POR: variants seen among roughly 807,000 people sequenced by gnomAD.
POR encodes the protein cytochrome p450 oxidoreductase.
In POR, 56 loss-of-function variants were observed where a neutral mutation model predicts 84.0. The ratio of observed to expected loss-of-function variants is 0.67; its 90% confidence interval spans 0.54 to 0.83. The LOEUF is 0.83. POR is among the 40% of genes least tolerant of loss of function. POR has a pLI of 0.00. For missense variants in POR, 938 were observed against 944.3 expected, an observed-to-expected ratio of 0.99 and a Z score of 0.09; for synonymous variants, 414 against 400.5, an observed-to-expected ratio of 1.03 and a Z score of -0.40.
chr7:75,920,473 T>G (rs1554548672), intron 1 of POR, among the ~76,000 whole-genome samples: 1 of 152,138 alleles, frequency 6.6e-6, no homozygotes, highest in Non-Finnish European at 1.5e-5. Flanking sequence ...GATGGGGCAT[T>G]GTGGGGCGTG....
chr7:75,951,837 A>G (rs1554552869), intron 1 of POR, among the ~76,000 whole-genome samples: 1 of 152,230 alleles, frequency 6.6e-6, no homozygotes, highest in East Asian at 1.9e-4. Flanking sequence ...TTGTTGACTC[A>G]TGTCACGTCT....
intron 12 of POR, 125 bp downstream of exon 12, chr7:75,985,332 C>A: frequency 7.6e-7 from 1 of 1,316,938 alleles, no homozygotes; most frequent in Non-Finnish European, 1.0e-6. Context: ...AGCCCCAGCG[C>A]AGCTCCAAAT....
At chr7:75,955,917 A>G (rs560908439) in intron 2 of POR, among the ~76,000 whole-genome samples, 5 of 152,330 alleles carry the variant, frequency 3.3e-5, no homozygotes, top group Admixed American at 2.0e-4. Context: ...CCCCGCCAGA[A>G]CACTTACAGC....
chr7:75,971,852 G>T (rs1788457295), intron 2 of POR, among the ~76,000 whole-genome samples: 1 of 152,078 alleles, frequency 6.6e-6, no homozygotes, highest in Non-Finnish European at 1.5e-5. Flanking sequence ...TGTGAATTAG[G>T]CATCAAGCTT....
At chr7:75,932,529 T>C (rs1205333460) in intron 1 of POR, among the ~76,000 whole-genome samples, 13 of 152,176 alleles carry the variant, frequency 8.5e-5, no homozygotes, top group African/African-American at 2.9e-4. Context: ...AAGACTTATG[T>C]TGAAAATATA....
intron 1 of POR, chr7:75,918,799 T>A (rs1806705319): frequency 6.6e-6 from 1 of 152,016 alleles, no homozygotes; most frequent in Non-Finnish European, 1.5e-5. Flanking sequence ...AGAGGTGATG[T>A]TTGAGTTGGG....
Position 75,919,315 on chromosome 7 carries a change from G to A in POR, c.-5+4136G>A, listed in dbSNP as rs191086111. ...TCTTAAAAGTTTTTCCTCCCCAAGC[G>A]AGATGTTTACATCAGTTGTGTTCTT... is the stretch of plus-strand genomic sequence containing the variant. On this transcript the variant is annotated intron_variant, in intron 1 of 15. Transcript: ENST00000461988. Among the ~76,000 whole-genome samples the A allele has an allele frequency of 3.9e-5, 6 of 152,070 alleles. No individual in the cohort carries two copies. The East Asian group carries it at 7.7e-4, about 20-fold the overall frequency.
intron 1 of POR, among the ~76,000 whole-genome samples, chr7:75,922,368 G>A (rs1806922398): frequency 6.8e-6 from 1 of 148,086 alleles, no homozygotes; most frequent in South Asian, 2.2e-4. Flanking sequence ...CTGTCGCCCA[G>A]GCTGGAGTGC....
intron 2 of POR, among the ~76,000 whole-genome samples, chr7:75,969,380 G>A (rs140935035): frequency 1.1e-3 from 166 of 152,306 alleles, no homozygotes; most frequent in Non-Finnish European, 1.9e-3. Context: ...GCCCTGCCAC[G>A]TGGCTCTTCC....
At chr7:75,972,792 C>T in intron 3 of POR, 1 of 377,796 alleles carries the variant, frequency 2.6e-6, no homozygotes, top group Non-Finnish European at 5.0e-6. Context: ...GCGGTCGTGG[C>T]ACCACTGCCA....
intron 2 of POR, among the ~76,000 whole-genome samples, chr7:75,956,117 G>A (rs1554553711): frequency 6.6e-6 from 1 of 152,110 alleles, no homozygotes; most frequent in Non-Finnish European, 1.5e-5. Flanking sequence ...TGGCCAACAT[G>A]GCGAAACCCC....
chr7:75,936,820 T>C (rs1256296361), intron 1 of POR, among the ~76,000 whole-genome samples: 1 of 145,730 alleles, frequency 6.9e-6, no homozygotes, highest in Non-Finnish European at 1.5e-5. Flanking sequence ...CTTATTATTA[T>C]TAATTTTTTT....
intron 10 of POR, 114 bp downstream of exon 10, chr7:75,983,970 CCCTT>C: frequency 1.3e-6 from 1 of 799,070 alleles, no homozygotes; most frequent in Non-Finnish European, 1.9e-6. Context: ...GCCTGGGAGG[CCCTT>C]GCACCGAGAC....
intron 2 of POR, among the ~76,000 whole-genome samples, chr7:75,956,100 A>AC (rs1787674479): frequency 6.6e-6 from 1 of 152,138 alleles, no homozygotes; most frequent in Admixed American, 6.6e-5. Flanking sequence ...GGAGTTCGAG[A>AC]CCAGCCTGGC....
intron 5 of POR, 109 bp downstream of exon 5, chr7:75,980,597 C>T (rs782579487): frequency 2.5e-6 from 4 of 1,605,884 alleles, no homozygotes; most frequent in Middle Eastern, 3.3e-4. Flanking sequence ...ACCCTGTCCT[C>T]AGCAGCCAGG....
chr7:75,979,130 T>C (rs1788853663), intron 3 of POR, among the ~76,000 whole-genome samples: 2 of 152,238 alleles, frequency 1.3e-5, no homozygotes, highest in African/African-American at 4.8e-5. Flanking sequence ...TGGGAGGTCC[T>C]GGAACCATTC....
intron 1 of POR, among the ~76,000 whole-genome samples, chr7:75,918,157 A>G (rs1806664337): frequency 6.6e-6 from 1 of 152,068 alleles, no homozygotes; most frequent in Non-Finnish European, 1.5e-5. Context: ...AAATACAAAA[A>G]TTAGCCGGTG....
At chr7:75,942,379 T>G (rs1315767336) in intron 1 of POR, among the ~76,000 whole-genome samples, 1 of 152,144 alleles carries the variant, frequency 6.6e-6, no homozygotes, top group Non-Finnish European at 1.5e-5. Context: ...TTCACACAAA[T>G]AGGTACTGCC....
chr7:75,923,405 G>A (rs1806967291), intron 1 of POR: 1 of 694,702 alleles, frequency 1.4e-6, no homozygotes, highest in Non-Finnish European at 2.6e-6. Flanking sequence ...CCATCTTCTT[G>A]GGGGTGTGTG....
Sources: gnomAD v4.1 joint callset for allele counts (sites outside exome capture counted in the v4.1 genomes callset) on GRCh38, gnomAD v4.1.1 for gene constraint, MANE v1.5 for transcripts, NCBI Gene and HGNC (gene_info 2026-07-23, HGNC 2026-07-21) for gene names.